Variants in NLGN1 observed in about 807,000 individuals in gnomAD.
The protein encoded by NLGN1 is neuroligin 1.
Under a neutral mutation model 65.5 loss-of-function variants are expected in NLGN1, and 12 were observed. That is an observed-to-expected ratio of 0.18 (90% CI 0.12 to 0.30). The LOEUF (loss-of-function observed/expected upper bound fraction) is 0.30, where lower values mean the gene tolerates loss of function less well. Among genes scored for constraint, NLGN1 ranks in the 10% least tolerant of loss-of-function variants. The pLI is 1.00. For synonymous variants in NLGN1, 350 were observed against 359.5 expected, an observed-to-expected ratio of 0.97 and a Z score of 0.30; for missense variants, 750 against 1,007.1, an observed-to-expected ratio of 0.74 and a Z score of 3.46.
At chr3:174,240,730 A>AATAT in intron 4 of NLGN1, among the ~76,000 whole-genome samples, 1 of 152,330 alleles carries the variant, frequency 6.6e-6, no homozygotes, top group African/African-American at 2.4e-5. Context: ...AAGGGCTCAG[A>AATAT]ATATATAGCA....
chr3:173,621,700 T>G (rs1448384764), intron 3 of NLGN1, among the ~76,000 whole-genome samples: 1 of 152,036 alleles, frequency 6.6e-6, no homozygotes, highest in East Asian at 1.9e-4. Flanking sequence ...AAGCAGAAAT[T>G]AGTAGAATTG....
At chr3:173,839,584 G>A (rs1439961151) in intron 4 of NLGN1, among the ~76,000 whole-genome samples, 2 of 151,922 alleles carry the variant, frequency 1.3e-5, no homozygotes, top group Admixed American at 6.6e-5. Flanking sequence ...CATCACGCCC[G>A]GCTAATTTTT....
At chr3:174,272,109 A>AAAT (rs1749510650) in intron 4 of NLGN1, among the ~76,000 whole-genome samples, 3 of 151,848 alleles carry the variant, frequency 2.0e-5, no homozygotes, top group Admixed American at 1.3e-4. Context: ...AAGTGAGATA[A>AAAT]AATAGTGACT....
At chr3:173,802,418 C>T (rs185070558) in intron 3 of NLGN1, among the ~76,000 whole-genome samples, 3 of 152,270 alleles carry the variant, frequency 2.0e-5, no homozygotes, top group Admixed American at 2.0e-4. Flanking sequence ...AATGTCAAAA[C>T]AGTCAATTCC....
intron 3 of NLGN1, among the ~76,000 whole-genome samples, chr3:173,697,511 G>A (rs895794547): frequency 1.3e-5 from 2 of 152,044 alleles, no homozygotes; most frequent in Admixed American, 6.6e-5. Flanking sequence ...TTGCTAGAGT[G>A]ACAGGGACAG....
intron 4 of NLGN1, among the ~76,000 whole-genome samples, chr3:174,088,995 A>G (rs1027225665): frequency 1.3e-5 from 2 of 151,990 alleles, no homozygotes; most frequent in East Asian, 3.9e-4. Context: ...TTAAAAATCA[A>G]TAGCTTTTAA....
chr3:173,423,368 TA>T (rs992274239), intron 1 of NLGN1, among the ~76,000 whole-genome samples: 1 of 152,136 alleles, frequency 6.6e-6, no homozygotes, highest in African/African-American at 2.4e-5. Context: ...CCCAAAGACT[TA>T]ACTCATTCCG....
intron 4 of NLGN1, among the ~76,000 whole-genome samples, chr3:173,876,832 G>A (rs980521058): frequency 6.6e-6 from 1 of 152,010 alleles, no homozygotes; most frequent in Non-Finnish European, 1.5e-5. Flanking sequence ...AATACATACT[G>A]ACAAAAATAT....
chr3:173,564,777 A>C (rs1294302771), intron 2 of NLGN1, among the ~76,000 whole-genome samples: 1 of 152,242 alleles, frequency 6.6e-6, no homozygotes, highest in Admixed American at 6.5e-5. Context: ...TTGTTATTAT[A>C]GCCTAACTGA....
chr3:174,048,169 A>G (rs1734037448), intron 4 of NLGN1, among the ~76,000 whole-genome samples: 1 of 152,134 alleles, frequency 6.6e-6, no homozygotes, highest in Non-Finnish European at 1.5e-5. Context: ...TCGTTGCTAT[A>G]AACATAACAG....
chr3:173,724,601 C>G (rs1771445277), intron 3 of NLGN1: 1 of 152,806 alleles, frequency 6.5e-6, no homozygotes, highest in Admixed American at 6.5e-5. Flanking sequence ...ATAACTAGTT[C>G]AACCATTGTG....
At chr3:173,869,968 C>A (rs531362419) in intron 4 of NLGN1, among the ~76,000 whole-genome samples, 3 of 152,224 alleles carry the variant, frequency 2.0e-5, no homozygotes, top group Non-Finnish European at 2.9e-5. Flanking sequence ...ATTCTAGACA[C>A]GGCTGACTTC....
chr3:174,125,913 G>A (rs1365839797), intron 4 of NLGN1, among the ~76,000 whole-genome samples: 1 of 152,062 alleles, frequency 6.6e-6, no homozygotes, highest in Non-Finnish European at 1.5e-5. Context: ...GAAAATAGCT[G>A]TTAACTTTAA....
intron 2 of NLGN1, among the ~76,000 whole-genome samples, chr3:173,527,963 A>C (rs879761274): frequency 3.3e-5 from 5 of 152,310 alleles, no homozygotes; most frequent in Admixed American, 2.6e-4. Flanking sequence ...CAAGGTTAAT[A>C]TTGATATGCA....
At chr3:173,729,274 A>G (rs1772383094) in intron 3 of NLGN1, among the ~76,000 whole-genome samples, 1 of 152,074 alleles carries the variant, frequency 6.6e-6, no homozygotes. Context: ...AAACAAAACA[A>G]AACACTTTTT....
intron 4 of NLGN1, among the ~76,000 whole-genome samples, chr3:174,129,180 A>G (rs1719596054): frequency 6.6e-6 from 1 of 152,124 alleles, no homozygotes; most frequent in African/African-American, 2.4e-5. Flanking sequence ...TCAGTCGGCT[A>G]GGGAAAGTTT....
At chr3:174,122,675 C>A (rs1045376532) in intron 4 of NLGN1, among the ~76,000 whole-genome samples, 2 of 152,056 alleles carry the variant, frequency 1.3e-5, no homozygotes, top group African/African-American at 2.4e-5. Context: ...GTTTTTAAGC[C>A]AAAGCCCAGA....
chr3:174,038,889 G>A (rs1731685240), intron 4 of NLGN1, among the ~76,000 whole-genome samples: 1 of 152,110 alleles, frequency 6.6e-6, no homozygotes, highest in Non-Finnish European at 1.5e-5. Flanking sequence ...ATGTACTCTA[G>A]CCCTCTTAAT....
intron 4 of NLGN1, among the ~76,000 whole-genome samples, chr3:173,883,205 C>T (rs998233400): frequency 2.0e-5 from 3 of 152,096 alleles, no homozygotes; most frequent in South Asian, 2.1e-4. Flanking sequence ...TCCACTTGAA[C>T]GCTTAGCAGC....
Sources: allele counts gnomAD v4.1 joint callset (sites outside exome capture counted in the v4.1 genomes callset), GRCh38; gene constraint gnomAD v4.1.1; transcripts MANE v1.5; gene names NCBI Gene and HGNC (gene_info 2026-07-23, HGNC 2026-07-21).